Variants in FUNDC1 observed in about 807,000 individuals in gnomAD.
FUNDC1 encodes the protein FUN14 domain containing 1.
A neutral mutation model predicts 14.5 loss-of-function variants in FUNDC1; 10 were observed. The observed-to-expected ratio is 0.69, with a 90% CI of 0.43 to 1.17. The LOEUF (loss-of-function observed/expected upper bound fraction) is 1.17. Ranked by LOEUF, FUNDC1 falls within the 50% of genes most tolerant of loss-of-function variation. FUNDC1 has a pLI of 0.00. For missense variants in FUNDC1, 115 were observed against 113.8 expected, an observed-to-expected ratio of 1.01 and a Z score of -0.05; for synonymous variants, 33 against 39.7, an observed-to-expected ratio of 0.83 and a Z score of 0.64.
chrX:44,538,975 C>A (rs903577352), intron 2 of FUNDC1, among the ~76,000 whole-genome samples: 4 of 111,273 alleles, frequency 3.6e-5, no homozygotes, highest in African/African-American at 1.3e-4. Flanking sequence ...AGGTCATCAC[C>A]TTTGCTCAAG....
chrX:44,526,124 A>AAAAAAAAAAC (rs1200387222), intron 4 of FUNDC1, among the ~76,000 whole-genome samples: 1 of 95,922 alleles, frequency 1.0e-5, no homozygotes, highest in African/African-American at 3.7e-5. Flanking sequence ...AAAAAAACAA[A>AAAAAAAAAAC]AAAAAAAAAC....
intron 3 of FUNDC1, among the ~76,000 whole-genome samples, chrX:44,534,449 T>C (rs1301473575): frequency 1.8e-5 from 2 of 111,193 alleles, no homozygotes; most frequent in Non-Finnish European, 3.8e-5. Context: ...GAGCAGGATA[T>C]CATTAACTAA....
intron 3 of FUNDC1, among the ~76,000 whole-genome samples, chrX:44,529,059 C>T (rs1356565019): frequency 8.9e-6 from 1 of 111,762 alleles, no homozygotes; most frequent in East Asian, 2.8e-4. Context: ...ATTTTCAAGA[C>T]TTAACATTTT....
chrX:44,531,161 G>A (rs1267238046), intron 3 of FUNDC1, among the ~76,000 whole-genome samples: 1 of 106,783 alleles, frequency 9.4e-6, no homozygotes, highest in Admixed American at 1.0e-4. Context: ...AGGATCGCTT[G>A]AGCCTCAGGA....
At chrX:44,536,140 C>G (rs969182848) in intron 3 of FUNDC1, among the ~76,000 whole-genome samples, 9 of 109,383 alleles carry the variant, frequency 8.2e-5, no homozygotes, top group African/African-American at 2.3e-4. Flanking sequence ...GGTGAAACCC[C>G]ATCTCTACTA....
rs2038891507 is a variant in FUNDC1 at position 44,524,023 on chromosome X, G to A, written c.*175C>T. Reference sequence around the variant, plus strand: ...ATACCATATAGGTTGTTTTACAGCAGATACTAGTTTGCCAAGCTTCAGATG... The same window carrying A: ...ATACCATATAGGTTGTTTTACAGCAAATACTAGTTTGCCAAGCTTCAGATG... On this transcript the variant is annotated 3_prime_UTR_variant, in exon 5 of 5. Transcript: ENST00000378045. 2 of 438,395 alleles carry A rather than the reference G, an allele frequency of 4.6e-6. No individual in the cohort carries two copies. The highest frequency in any genetic ancestry group is 8.2e-5 in the Admixed American group (2 of 24,445). 36.1% of individuals were successfully genotyped at this position (438,395 alleles called of 1,213,427 possible).
At chrX:44,535,460 G>A (rs2038943540) in intron 3 of FUNDC1, among the ~76,000 whole-genome samples, 1 of 107,975 alleles carries the variant, frequency 9.3e-6, no homozygotes, top group South Asian at 4.1e-4. Flanking sequence ...GAGGTCAGGA[G>A]ATCGAGATCA....
At chrX:44,538,696 A>C (rs1366163455) in intron 2 of FUNDC1, among the ~76,000 whole-genome samples, 154 bp from the exon 3 acceptor site, 2 of 111,971 alleles carry the variant, frequency 1.8e-5, no homozygotes, top group Non-Finnish European at 3.8e-5. Context: ...GAAACCCCTC[A>C]GTTATACAGG....
At chrX:44,528,728 G>T (rs765400683) in intron 3 of FUNDC1, among the ~76,000 whole-genome samples, 1 of 112,314 alleles carries the variant, frequency 8.9e-6, no homozygotes, top group South Asian at 3.6e-4. Flanking sequence ...ACGGAGTCTC[G>T]CTCTGTCGCC....
intron 4 of FUNDC1, among the ~76,000 whole-genome samples, chrX:44,525,888 AT>A (rs1343527476): frequency 1.8e-3 from 191 of 106,142 alleles, no homozygotes; most frequent in African/African-American, 6.1e-3. Flanking sequence ...CTCATGTTAC[AT>A]TTTTTTTTTA....
At chrX:44,535,984 T>C (rs2038947034) in intron 3 of FUNDC1, among the ~76,000 whole-genome samples, 1 of 91,160 alleles carries the variant, frequency 1.1e-5, no homozygotes, top group Admixed American at 1.2e-4. Context: ...AAAACTCTTG[T>C]CTAAAAAAAA....
intron 4 of FUNDC1, among the ~76,000 whole-genome samples, chrX:44,525,892 T>G (rs749525207): frequency 9.1e-6 from 1 of 110,038 alleles, no homozygotes. Context: ...TGTTACATTT[T>G]TTTTTTATTA....
chrX:44,526,301 G>A (rs187573502), intron 4 of FUNDC1, among the ~76,000 whole-genome samples: 57 of 109,540 alleles, frequency 5.2e-4, no homozygotes, highest in Admixed American at 1.4e-3. Flanking sequence ...GAGGTGGCGC[G>A]TGCCTGTAAT....
intron 3 of FUNDC1, among the ~76,000 whole-genome samples, chrX:44,532,714 G>A (rs1200926236): frequency 9.2e-6 from 1 of 109,168 alleles, no homozygotes; most frequent in Admixed American, 9.9e-5. Flanking sequence ...CACCATGCCC[G>A]GCTAATTTTG....
chrX:44,530,624 A>G (rs1040013131), intron 3 of FUNDC1, among the ~76,000 whole-genome samples: 2 of 108,819 alleles, frequency 1.8e-5, no homozygotes, highest in Non-Finnish European at 3.8e-5. Flanking sequence ...AATAATAATG[A>G]TGACAGAGGG....
At chrX:44,527,038 A>G (rs1326310623) in intron 4 of FUNDC1, among the ~76,000 whole-genome samples, 199 bp downstream of exon 4, 1 of 101,635 alleles carries the variant, frequency 9.8e-6, no homozygotes, top group Non-Finnish European at 2.0e-5. Context: ...ATCTATGATA[A>G]CCACCAAAAA....
At chrX:44,531,318 ACACACAC>A (rs2038924243) in intron 3 of FUNDC1, among the ~76,000 whole-genome samples, 11 of 26,111 alleles carry the variant, frequency 4.2e-4, no homozygotes, top group Admixed American at 1.4e-3. Context: ...TTGGCCAGAC[ACACACAC>A]ACACACACAC....
In FUNDC1 at chrX:44,531,423, G is replaced by T. The variant is rs149134382; in HGVS notation, c.262-4058C>A. Among the ~76,000 whole-genome samples the T allele has an allele frequency of 8.1e-3, 856 of 105,920 alleles. 14 individuals carry two copies. Among genetic ancestry groups the T allele is most frequent in the African/African-American group, 0.028 (810 of 28,975 alleles). 92.0% of individuals were successfully genotyped at this position (105,920 alleles called of 115,157 possible). On this transcript the variant is annotated intron_variant, in intron 3 of 4. Transcript: ENST00000378045. ...CCAGAAAGCTCTAAACAGGTAGATGGGGCTTTTTGCTTGTGAACTTCACCA... is the reference window on the plus strand; with the variant it reads ...CCAGAAAGCTCTAAACAGGTAGATGTGGCTTTTTGCTTGTGAACTTCACCA...
In FUNDC1 at chrX:44,537,087, T is replaced by TG. The variant is rs776426285; in HGVS notation, c.261+1379dup. ...GAGTTTTCAAGGTTAGTCGTATTTG[T>TG]GGGAAAAACTGGTTTGATGCAGATA... On this transcript the variant is annotated intron_variant, in intron 3 of 4. Transcript: ENST00000378045. Among the ~76,000 whole-genome samples the TG allele has an allele frequency of 8.9e-5, 10 of 111,984 alleles. No individual in the cohort carries two copies. In the East Asian group the frequency reaches 2.5e-3, roughly 28 times the overall value.
Sources: allele counts gnomAD v4.1 joint callset (sites outside exome capture counted in the v4.1 genomes callset), GRCh38; gene constraint gnomAD v4.1.1; transcripts MANE v1.5; gene names NCBI Gene and HGNC (gene_info 2026-07-23, HGNC 2026-07-21).